CYP2A7: variants seen among roughly 807,000 people sequenced by gnomAD.
CYP2A7 encodes cytochrome P450 family 2 subfamily A member 7.
A neutral mutation model predicts 42.0 loss-of-function variants in CYP2A7; 36 were observed. That is an observed-to-expected ratio of 0.86 (90% CI 0.66 to 1.13). The LOEUF is 1.13. Ranked by LOEUF, CYP2A7 falls within the 50% of genes most tolerant of loss-of-function variation. The pLI is 0.00. For synonymous variants in CYP2A7, 260 were observed against 249.5 expected (o/e 1.04, Z -0.40); for missense variants, 661 against 634.1 (o/e 1.04, Z -0.46).
At position 40,880,078 on chromosome 19, in the gene CYP2A7, A is replaced by G; in HGVS notation, c.654+6T>C. ...GGGCGTCACGGGCCGGGCTGCAGCC[A>G]GTTACCTGCCCCGTGGAGGTTGACG... On this transcript the variant is annotated splice_donor_region_variant and intron_variant, in intron 4 of 8. Coordinates refer to ENST00000301146, the MANE Select transcript of CYP2A7 (RefSeq NM_000764.3). 1.2e-6 allele frequency: 2 copies of G among 1,612,384 alleles called. No individual in the cohort carries two copies. The highest frequency in any genetic ancestry group is 1.7e-6 in the Non-Finnish European group (2 of 1,178,796).
At chr19:40,881,410 C>T (rs528070577) in intron 2 of CYP2A7, among the ~76,000 whole-genome samples, 179 bp downstream of exon 2, 33 of 151,466 alleles carry the variant, frequency 2.2e-4, no homozygotes, top group African/African-American at 7.0e-4. Flanking sequence ...ACGACAGGGA[C>T]GCTGGAGACA....
intron 2 of CYP2A7, among the ~76,000 whole-genome samples, 194 bp from the exon 3 acceptor site, chr19:40,880,822 AG>A (rs1299555863): frequency 5.9e-5 from 4 of 67,800 alleles, no homozygotes; most frequent in African/African-American, 2.2e-4. Flanking sequence ...AGAGAGAGAG[AG>A]AGAGAGAGAG....
intron 1 of CYP2A7, 27 bp from the exon 2 acceptor site, chr19:40,881,778 G>C: frequency 6.2e-7 from 1 of 1,600,670 alleles, no homozygotes; most frequent in East Asian, 2.2e-5. Flanking sequence ...GGAGTGGTTA[G>C]AGGGAGCAGC....
At position 40,875,687 on chromosome 19, in the gene CYP2A7, C is replaced by T. The variant is rs758009587; in HGVS notation, c.*6G>A. ...CCCACCAGACCTGCACCGGCACAGC[C>T]CTCGCTCAGCGGGGCAGGAAGCTCA... On this transcript the variant is annotated 3_prime_UTR_variant, in exon 9 of 9. Transcript: ENST00000301146. 9 of 1,610,980 alleles carry T rather than the reference C, an allele frequency of 5.6e-6. No individual in the cohort carries two copies. In the Admixed American group the frequency reaches 8.4e-5, roughly 15 times the overall value.
chr19:40,881,166 A>C (rs1967673639), intron 2 of CYP2A7, among the ~76,000 whole-genome samples: 1 of 151,550 alleles, frequency 6.6e-6, no homozygotes, highest in Admixed American at 6.6e-5. Context: ...GGAGATGTGG[A>C]AGTAAGAATA....
At chr19:40,877,629 G>T (rs1041903635) in intron 6 of CYP2A7, among the ~76,000 whole-genome samples, 2 of 151,530 alleles carry the variant, frequency 1.3e-5, no homozygotes, top group African/African-American at 4.8e-5. Flanking sequence ...CGGGCACTCA[G>T]TGGGCTTGGG....
At position 40,881,842 on chromosome 19, in the gene CYP2A7, C is replaced by A. The variant is rs550324491; in HGVS notation, c.181-91G>T. On this transcript the variant is annotated intron_variant, in intron 1 of 8. Transcript: ENST00000301146. Reference sequence around the variant, plus strand: ...GATGTCAAGTACTGGGATCCTTCACCCCCAGGTTCTCACAGTCAGGGAGCT... The same window carrying A: ...GATGTCAAGTACTGGGATCCTTCACACCCAGGTTCTCACAGTCAGGGAGCT... 2.0e-5 allele frequency: 31 copies of A among 1,554,788 alleles called. No homozygotes were observed. The Admixed American group carries it at 3.4e-4, about 17-fold the overall frequency.
chr19:40,875,482 A>C lies in CYP2A7; in HGVS notation c.*211T>G, dbSNP rs577509971. On this transcript the variant is annotated 3_prime_UTR_variant, in exon 9 of 9. Transcript: ENST00000301146. ...TATTATTACTACTCTTCATAGCATAATGTAAGGTTTCCCTTCCTCTCATCC... is the reference window on the plus strand; with the variant it reads ...TATTATTACTACTCTTCATAGCATACTGTAAGGTTTCCCTTCCTCTCATCC... The C allele has an allele frequency of 7.0e-5, 46 of 657,808 alleles. No homozygotes were observed. The highest frequency in any genetic ancestry group is 3.1e-4 in the East Asian group (11 of 35,884). 40.7% of individuals were successfully genotyped at this position (657,808 alleles called of 1,614,324 possible).
chr19:40,876,479 C>G, intron 8 of CYP2A7, 48 bp downstream of exon 8: 3 of 1,611,824 alleles, frequency 1.9e-6, no homozygotes, highest in Middle Eastern at 1.7e-4. Flanking sequence ...GTGAGGGAGG[C>G]GCCTGCTGGT....
intron 4 of CYP2A7, 133 bp downstream of exon 4, chr19:40,879,951 G>T: frequency 6.9e-7 from 1 of 1,442,134 alleles, no homozygotes; most frequent in Non-Finnish European, 9.5e-7. Flanking sequence ...CTGTCCAGTT[G>T]TCCAATATCG....
rs371177307 is a variant in CYP2A7, at chr19:40,880,102, C to A, written c.636G>T (p.Thr212=). The change falls in exon 4 of 9, where the codon ACG becomes ACT. Residue 212 remains threonine, a synonymous_variant. Transcript: ENST00000301146. Reference sequence around the variant, plus strand: ...CAGTTACCTGCCCCGTGGAGGTTGACGTGAACTGGAAGATTCCTAGCATCA... The same window carrying A: ...CAGTTACCTGCCCCGTGGAGGTTGAAGTGAACTGGAAGATTCCTAGCATCA... ...LSMMLGIFQF[T]STSTGQLYEM... 1 of 1,612,740 alleles carries A rather than the reference C, an allele frequency of 6.2e-7. No individual in the cohort carries two copies. The highest frequency in any genetic ancestry group is 8.5e-7 in the Non-Finnish European group (1 of 1,179,204).
chr19:40,876,755 C>G (rs1481107868), intron 7 of CYP2A7, 87 bp from the exon 8 acceptor site: 1 of 1,511,298 alleles, frequency 6.6e-7, no homozygotes, highest in South Asian at 1.3e-5. Flanking sequence ...ACTAGTGTGC[C>G]CCAGGTAAGG....
In CYP2A7 at chr19:40,882,088, G is replaced by C; in HGVS notation, c.123C>G (p.Pro41=). ...TCAGCTGGAGGTAGTTTCCAATGAA[G>C]GGCAGTGGGGTGGGTCCCGGAGGCA... is the stretch of plus-strand genomic sequence containing the variant. The part of the protein sequence containing the change: ...GKLPPGPTPL[P]FIGNYLQLNT... The change falls in exon 1 of 9, where the codon CCC becomes CCG. Residue 41 remains proline, a synonymous_variant. Transcript: ENST00000301146. The C allele has an allele frequency of 6.2e-7, 1 of 1,613,982 alleles. No homozygotes were observed. The highest frequency in any genetic ancestry group is 1.1e-5 in the South Asian group (1 of 91,070).
chr19:40,877,766 A>G, intron 6 of CYP2A7, 86 bp downstream of exon 6: 1 of 1,522,308 alleles, frequency 6.6e-7, no homozygotes, highest in Non-Finnish European at 8.8e-7. Flanking sequence ...GGGTCCTGGG[A>G]TCTGGGACAG....
rs372170512 is a variant in CYP2A7, at chr19:40,880,280, A to C, written c.494-36T>G. 7.6e-5 allele frequency: 123 copies of C among 1,610,378 alleles called. 4 individuals are homozygous for C. The highest frequency in any genetic ancestry group is 9.8e-5 in the Non-Finnish European group (116 of 1,177,824). ...GGAGGGAGAAGGGGGTTGGGGAGAG[A>C]GTCAACTCAGAGGTCTGAGGAGAAT... On this transcript the variant is annotated intron_variant, in intron 3 of 8. Transcript: ENST00000301146.
chr19:40,880,798 GGAGAGAGA>G (rs1171374070), intron 2 of CYP2A7, among the ~76,000 whole-genome samples, 170 bp from the exon 3 acceptor site: 28 of 27,432 alleles, frequency 1.0e-3, no homozygotes, highest in South Asian at 2.3e-3. Flanking sequence ...GAAACACGAG[GGAGAGAGA>G]GAGAGAGAGA....
Position 40,879,933 on chromosome 19 carries a change from T to G in CYP2A7, c.654+151A>C, listed in dbSNP as rs1444199098. 12 of 1,311,392 alleles carry G rather than the reference T, an allele frequency of 9.2e-6. 1 individual carries two copies. In the African/African-American group the frequency reaches 1.3e-4, roughly 14 times the overall value. The allele number at this position is 1,311,392 out of a possible 1,614,324, so 81.2% of individuals were successfully genotyped here. A position where few individuals can be genotyped will look rare whatever the true frequency, so the allele number is the denominator to read the frequency against. On this transcript the variant is annotated intron_variant, in intron 4 of 8. Transcript: ENST00000301146. ...CCAGGTGTCCTTGGAGACAGGCTTC[T>G]GGTGCAACTGTCCAGTTGTCCAATA...
Position 40,876,639 on chromosome 19 carries a change from G to A in CYP2A7, c.1191C>T (p.Ser397=), listed in dbSNP as rs116333747. The change falls in exon 8 of 9, where the codon TCC becomes TCT. Residue 397 remains serine, a synonymous_variant. Transcript: ENST00000301146. ...KGTEVFPMLG[S]VLRDPSFFSN... ...AGAAGAAGCTGGGGTCTCTCAGCAC[G>A]GAGCCCAGCATAGGGAACACTTCGG... The A allele has an allele frequency of 6.5e-3, 10,418 of 1,612,752 alleles. 245 individuals carry two copies. The highest frequency in any genetic ancestry group is 0.01 in the African/African-American group (757 of 74,964).
intron 2 of CYP2A7, 105 bp downstream of exon 2, chr19:40,881,484 G>C: frequency 6.4e-7 from 1 of 1,563,950 alleles, no homozygotes; most frequent in Non-Finnish European, 8.7e-7. Flanking sequence ...CAGACCGGGG[G>C]TTCTGCCATA....
Sources: allele counts gnomAD v4.1 joint callset (sites outside exome capture counted in the v4.1 genomes callset), GRCh38; gene constraint gnomAD v4.1.1; transcripts MANE v1.5; gene names NCBI Gene and HGNC (gene_info 2026-07-23, HGNC 2026-07-21).